NMNAT2: variants seen among roughly 807,000 people sequenced by gnomAD.
NMNAT2 encodes the protein nicotinamide/nicotinic acid mononucleotide adenylyltransferase 2.
NMNAT2 carries 11 observed loss-of-function variants against 41.6 expected under a neutral mutation model. The observed-to-expected ratio is 0.26, with a 90% confidence interval of 0.17 to 0.44. The LOEUF is 0.44. NMNAT2 is among the 20% of genes least tolerant of loss of function. The pLI is 1.00. For missense variants in NMNAT2, 288 were observed against 407.7 expected (o/e 0.71, Z 2.53); for synonymous variants, 148 against 151.2 (o/e 0.98, Z 0.16).
intron 1 of NMNAT2, among the ~76,000 whole-genome samples, chr1:183,346,106 C>T (rs901461908): frequency 6.6e-6 from 1 of 152,106 alleles, no homozygotes; most frequent in African/African-American, 2.4e-5. Context: ...CCCCTGATTC[C>T]CAGCTCCAAT....
chr1:183,273,841 CCCTT>C lies in NMNAT2; in HGVS notation c.651+4708_651+4711del, dbSNP rs1158581494. 6.3e-3 allele frequency among the ~76,000 whole-genome samples: 495 copies of C among 79,078 alleles called. 10 individuals are homozygous for C. The highest frequency in any genetic ancestry group is 0.031 in the African/African-American group (459 of 15,048). The allele number at this position is 79,078 out of a possible 152,430, so 51.9% of individuals were successfully genotyped here. A position where few individuals can be genotyped will look rare whatever the true frequency, so the allele number is the denominator to read the frequency against. On this transcript the variant is annotated intron_variant, in intron 8 of 10. Transcript: ENST00000287713. Reference sequence around the variant, plus strand: ...CTTTCTTTTCCCTCCCTCCCTCCCTCCCTTCCTTCCTTCCTTCCTTCCTTCCTTC... The same window carrying C: ...CTTTCTTTTCCCTCCCTCCCTCCCTCCCTTCCTTCCTTCCTTCCTTCCTTC...
At chr1:183,260,384 T>G (rs1660626544) in intron 10 of NMNAT2, among the ~76,000 whole-genome samples, 1 of 152,216 alleles carries the variant, frequency 6.6e-6, no homozygotes, top group African/African-American at 2.4e-5. Context: ...TTGGAATTTT[T>G]TTTGTTTTGG....
At chr1:183,377,861 A>G (rs2101914188) in intron 1 of NMNAT2, among the ~76,000 whole-genome samples, 1 of 152,328 alleles carries the variant, frequency 6.6e-6, no homozygotes, top group South Asian at 2.1e-4. Context: ...ACTCTAATGA[A>G]AAAAGCAAAC....
intron 1 of NMNAT2, among the ~76,000 whole-genome samples, chr1:183,416,952 G>A (rs544290201): frequency 6.6e-6 from 1 of 152,282 alleles, no homozygotes; most frequent in Admixed American, 6.5e-5. Context: ...CCTCTGGAGA[G>A]CGCCTTGCTG....
chr1:183,323,928 A>G (rs1364043759), intron 1 of NMNAT2, among the ~76,000 whole-genome samples: 1 of 152,214 alleles, frequency 6.6e-6, no homozygotes, highest in East Asian at 1.9e-4. Flanking sequence ...AGAGGAGTTT[A>G]TTTAGGCAAA....
At chr1:183,302,690 C>G (rs921118335) in intron 1 of NMNAT2, among the ~76,000 whole-genome samples, 1 of 152,158 alleles carries the variant, frequency 6.6e-6, no homozygotes, top group Admixed American at 6.5e-5. Flanking sequence ...GGCTAGGTAC[C>G]GAACAACTAG....
intron 1 of NMNAT2, among the ~76,000 whole-genome samples, chr1:183,307,294 C>G (rs1023350354): frequency 4.7e-5 from 7 of 147,936 alleles, no homozygotes; most frequent in Admixed American, 1.4e-4. Context: ...TAAGTGAAAC[C>G]AAACAAAGGG....
Position 183,344,525 on chromosome 1 carries a change from T to C in NMNAT2, c.86-50732A>G, listed in dbSNP as rs140752748. On this transcript the variant is annotated intron_variant, in intron 1 of 10. Coordinates refer to ENST00000287713, the MANE Select transcript of NMNAT2 (RefSeq NM_015039.4). ...GAGCACAAATTTGCCTTTTCATCTTTATATTCTCAACACTCTACTTAGAGC... is the reference window on the plus strand; with the variant it reads ...GAGCACAAATTTGCCTTTTCATCTTCATATTCTCAACACTCTACTTAGAGC... Among the ~76,000 whole-genome samples the C allele has an allele frequency of 1.4e-3, 215 of 152,364 alleles. 1 individual carries two copies. Among genetic ancestry groups the C allele is most frequent in the African/African-American group, 4.5e-3 (188 of 41,580 alleles).
intron 1 of NMNAT2, among the ~76,000 whole-genome samples, chr1:183,314,112 C>T (rs376338636): frequency 1.3e-5 from 2 of 152,158 alleles, no homozygotes; most frequent in East Asian, 3.8e-4. Flanking sequence ...TCTAGAGGTG[C>T]CTATTCACTC....
At chr1:183,352,503 C>T (rs1321029693) in intron 1 of NMNAT2, among the ~76,000 whole-genome samples, 1 of 136,940 alleles carries the variant, frequency 7.3e-6, no homozygotes, top group Non-Finnish European at 1.5e-5. Context: ...TCGGAGGTTG[C>T]AGTGAGCCAA....
chr1:183,307,086 G>T (rs1662010380), intron 1 of NMNAT2, among the ~76,000 whole-genome samples: 1 of 152,144 alleles, frequency 6.6e-6, no homozygotes, highest in Admixed American at 6.5e-5. Flanking sequence ...GCCAATGTGG[G>T]AGTTATTAAA....
intron 1 of NMNAT2, among the ~76,000 whole-genome samples, chr1:183,414,056 G>T (rs1649191844): frequency 6.6e-6 from 1 of 152,148 alleles, no homozygotes. Flanking sequence ...TCTCTGTCAG[G>T]CATTAGACCT....
At chr1:183,398,399 A>G (rs561758162) in intron 1 of NMNAT2, among the ~76,000 whole-genome samples, 17 of 152,350 alleles carry the variant, frequency 1.1e-4, no homozygotes, top group African/African-American at 3.1e-4. Flanking sequence ...AGGAGCACCC[A>G]GATTCATAAA....
chr1:183,252,851 T>G, intron 10 of NMNAT2, 108 bp from the exon 11 acceptor site: 1 of 782,728 alleles, frequency 1.3e-6, no homozygotes. Context: ...TTTTCTCAGG[T>G]TGAGTAAATA....
At chr1:183,307,177 G>T (rs1010706064) in intron 1 of NMNAT2, among the ~76,000 whole-genome samples, 1 of 152,256 alleles carries the variant, frequency 6.6e-6, no homozygotes, top group East Asian at 1.9e-4. Context: ...TGCCCCTTTT[G>T]TCCTGCTTCC....
chr1:183,293,651 C>T, intron 2 of NMNAT2, 54 bp downstream of exon 2: 22 of 1,325,142 alleles, frequency 1.7e-5, no homozygotes, highest in Non-Finnish European at 2.3e-5. Flanking sequence ...AACTATCAGG[C>T]CAGGGATGGG....
chr1:183,366,263 G>T (rs957111383), intron 1 of NMNAT2, among the ~76,000 whole-genome samples: 1 of 152,158 alleles, frequency 6.6e-6, no homozygotes, highest in Non-Finnish European at 1.5e-5. Flanking sequence ...TACACCTTGG[G>T]CAAATCACTT....
intron 1 of NMNAT2, among the ~76,000 whole-genome samples, chr1:183,316,694 C>T (rs1662259010): frequency 6.6e-6 from 1 of 152,214 alleles, no homozygotes; most frequent in Non-Finnish European, 1.5e-5. Context: ...TCCTCAGCTC[C>T]TCCCCCACAG....
At position 183,363,155 on chromosome 1, in the gene NMNAT2, G is replaced by T. The variant is rs182560042; in HGVS notation, c.85+55028C>A. Among the ~76,000 whole-genome samples the T allele has an allele frequency of 6.7e-3, 1,019 of 152,154 alleles. 5 individuals are homozygous for T. The highest frequency in any genetic ancestry group is 9.0e-3 in the Non-Finnish European group (609 of 68,020). On this transcript the variant is annotated intron_variant, in intron 1 of 10. Transcript: ENST00000287713. ...TTTAATTGGGTTAATTGTTGGTCTTGGATAATTTTATAACTGCTATTGCAA... is the reference window on the plus strand; with the variant it reads ...TTTAATTGGGTTAATTGTTGGTCTTTGATAATTTTATAACTGCTATTGCAA...
Sources: allele counts gnomAD v4.1 joint callset (sites outside exome capture counted in the v4.1 genomes callset), GRCh38; gene constraint gnomAD v4.1.1; transcripts MANE v1.5; gene names NCBI Gene and HGNC (gene_info 2026-07-23, HGNC 2026-07-21).